Variants in LNX2 observed in about 807,000 individuals in gnomAD.
LNX2 encodes ligand of numb-protein X 2.
LNX2 carries 35 observed loss-of-function variants against 66.2 expected under a neutral mutation model. The observed-to-expected ratio is 0.53, with a 90% confidence interval of 0.40 to 0.70. The LOEUF is 0.70. Among genes scored for constraint, LNX2 ranks in the 30% least tolerant of loss-of-function variants. The pLI is 0.00. For synonymous variants in LNX2, 337 were observed against 315.6 expected (o/e 1.07, Z -0.72); for missense variants, 791 against 850.8 (o/e 0.93, Z 0.87).
chr13:27,558,722 C>G (rs2138331426), intron 6 of LNX2, among the ~76,000 whole-genome samples: 1 of 152,166 alleles, frequency 6.6e-6, no homozygotes, highest in Admixed American at 6.5e-5. Context: ...TATAGGTTTC[C>G]TTCATACATT....
chr13:27,550,765 A>C (rs1207720687), intron 8 of LNX2, among the ~76,000 whole-genome samples: 1 of 152,066 alleles, frequency 6.6e-6, no homozygotes. Context: ...TACAAATTAC[A>C]CCTCAGTAAC....
intron 1 of LNX2, among the ~76,000 whole-genome samples, chr13:27,619,534 C>T (rs1050626825): frequency 6.6e-6 from 1 of 152,190 alleles, no homozygotes; most frequent in Admixed American, 6.5e-5. Context: ...ACAAGTGTTC[C>T]TCCTCCTGCA....
intron 1 of LNX2, among the ~76,000 whole-genome samples, chr13:27,592,004 G>C (rs762019782): frequency 6.6e-6 from 1 of 152,196 alleles, no homozygotes; most frequent in Non-Finnish European, 1.5e-5. Context: ...GAATGTCCCT[G>C]GTGTGTTCAA....
At chr13:27,577,453 T>C (rs1292381861) in intron 2 of LNX2, among the ~76,000 whole-genome samples, 1 of 152,138 alleles carries the variant, frequency 6.6e-6, no homozygotes, top group Non-Finnish European at 1.5e-5. Flanking sequence ...AAAGCAGGGT[T>C]GTCCAATCTT....
intron 8 of LNX2, among the ~76,000 whole-genome samples, chr13:27,552,474 C>T (rs1593237202): frequency 6.6e-6 from 1 of 152,254 alleles, no homozygotes; most frequent in East Asian, 1.9e-4. Context: ...CATACTTGGT[C>T]AAAAGTCAAA....
Position 27,570,637 on chromosome 13 carries a change from T to C in LNX2, c.408-1361A>G, listed in dbSNP as rs1408088750. On this transcript the variant is annotated intron_variant, in intron 2 of 9. Coordinates refer to ENST00000316334, the MANE Select transcript of LNX2 (RefSeq NM_153371.4). ...AAATTAGATCATGAAAAAAATTACT[T>C]TTGTCAAGTAAGCAGGTTTAATTCG... 2.0e-5 allele frequency among the ~76,000 whole-genome samples: 3 copies of C among 152,186 alleles called. No homozygotes were observed. In the East Asian group the frequency reaches 5.8e-4, roughly 29 times the overall value.
chr13:27,550,868 CA>C lies in LNX2; in HGVS notation c.1779-378del, dbSNP rs1309588892. ...TCACTTTTATCTACAAGAGGAATTA[CA>C]ATGTGGGATGAAAGAGGTCTAGTAC... On this transcript the variant is annotated intron_variant, in intron 8 of 9. Transcript: ENST00000316334. 3.3e-5 allele frequency among the ~76,000 whole-genome samples: 5 copies of C among 152,234 alleles called. No individual in the cohort carries two copies. In the South Asian group the frequency reaches 1.0e-3, roughly 32 times the overall value.
chr13:27,551,686 C>T (rs1022782581), intron 8 of LNX2, among the ~76,000 whole-genome samples: 1 of 152,008 alleles, frequency 6.6e-6, no homozygotes, highest in African/African-American at 2.4e-5. Context: ...TTCTATAAAG[C>T]AATGTTTACC....
chr13:27,546,282 A>G lies in LNX2; in HGVS notation c.*2053T>C, dbSNP rs1194929553. ...TAGCAGTCAGGATATTTGTTGATGGATGGCTACTCCCCAAGAAATGACACA... is the reference window on the plus strand; with the variant it reads ...TAGCAGTCAGGATATTTGTTGATGGGTGGCTACTCCCCAAGAAATGACACA... On this transcript the variant is annotated 3_prime_UTR_variant, in exon 10 of 10. Coordinates refer to ENST00000316334, the MANE Select transcript of LNX2 (RefSeq NM_153371.4). The G allele has an allele frequency of 1.3e-5, 2 of 152,230 alleles. No homozygotes were observed. The highest frequency in any genetic ancestry group is 4.8e-5 in the African/African-American group (2 of 41,466). The allele number at this position is 152,230 out of a possible 1,614,324, so 9.4% of individuals were successfully genotyped here. A position where few individuals can be genotyped will look rare whatever the true frequency, so the allele number is the denominator to read the frequency against.
At position 27,562,438 on chromosome 13, in the gene LNX2, G is replaced by T; in HGVS notation, c.1199C>A (p.Pro400Gln). 1 of 1,613,910 alleles carries T rather than the reference G, an allele frequency of 6.2e-7. No individual in the cohort carries two copies. The highest frequency in any genetic ancestry group is 8.5e-7 in the Non-Finnish European group (1 of 1,179,916). ...CTGAATAATCTGGGCAGCAAGCTCC[G>T]GAGTTCCATACTTCAGGTCGTGCCC... ...INGHDLKYGT[P>Q]ELAAQIIQAS... The change falls in exon 5 of 10, where the codon CCG becomes CAG. Residue 400 changes from proline (P) to glutamine (Q), a missense_variant. Pro to Gln is a moderately conservative substitution (Grantham distance 76). Coordinates refer to ENST00000316334, the MANE Select transcript of LNX2 (RefSeq NM_153371.4).
At chr13:27,561,291 A>G (rs1056357031) in intron 5 of LNX2, among the ~76,000 whole-genome samples, 8 of 152,190 alleles carry the variant, frequency 5.3e-5, no homozygotes, top group Non-Finnish European at 7.4e-5. Flanking sequence ...ATTATTTTCT[A>G]TCTTATTGAT....
At chr13:27,583,169 A>T (rs1015313128) in intron 1 of LNX2, among the ~76,000 whole-genome samples, 2 of 44,116 alleles carry the variant, frequency 4.5e-5, no homozygotes, top group Admixed American at 4.5e-4. Flanking sequence ...TCAGAGCAGC[A>T]GTGTGTGTGT....
chr13:27,564,823 C>T (rs1955185086), intron 4 of LNX2, among the ~76,000 whole-genome samples: 2 of 152,034 alleles, frequency 1.3e-5, no homozygotes, highest in South Asian at 4.1e-4. Flanking sequence ...TGGAGGTAAC[C>T]AGATAGTAAA....
chr13:27,578,680 G>A (rs1242994214), intron 2 of LNX2, among the ~76,000 whole-genome samples: 1 of 152,164 alleles, frequency 6.6e-6, no homozygotes, highest in Non-Finnish European at 1.5e-5. Context: ...ATGCTGGGAA[G>A]GCTACCTGTA....
At chr13:27,602,912 T>A (rs556812963) in intron 1 of LNX2, among the ~76,000 whole-genome samples, 3 of 152,196 alleles carry the variant, frequency 2.0e-5, no homozygotes, top group Non-Finnish European at 4.4e-5. Flanking sequence ...TTAAATCTAT[T>A]TGTAAGATAC....
chr13:27,582,591 C>T (rs753079460), intron 1 of LNX2, among the ~76,000 whole-genome samples: 4 of 152,098 alleles, frequency 2.6e-5, no homozygotes, highest in African/African-American at 4.8e-5. Context: ...TCAAAGATTG[C>T]GTCTTTGAAA....
intron 2 of LNX2, among the ~76,000 whole-genome samples, chr13:27,571,836 A>G (rs185457467): frequency 1.3e-5 from 2 of 152,338 alleles, no homozygotes; most frequent in East Asian, 3.9e-4. Context: ...AAGAGAAAGG[A>G]AAAACTCAAC....
Position 27,589,568 on chromosome 13 carries a change from C to T in LNX2, c.-100-7765G>A, listed in dbSNP as rs376880023. ...TAATAGAAAATTTAAAATTTTAAAC[C>T]CCCTTCACCTTTAGTTCTCCTAATT... is the stretch of plus-strand genomic sequence containing the variant. On this transcript the variant is annotated intron_variant, in intron 1 of 9. Coordinates refer to ENST00000316334, the MANE Select transcript of LNX2 (RefSeq NM_153371.4). Among the ~76,000 whole-genome samples the T allele has an allele frequency of 4.0e-5, 6 of 151,690 alleles. No individual in the cohort carries two copies. In the East Asian group the frequency reaches 5.8e-4, roughly 15 times the overall value.
chr13:27,613,578 G>C (rs547826171), intron 1 of LNX2, among the ~76,000 whole-genome samples: 50 of 152,202 alleles, frequency 3.3e-4, no homozygotes, highest in African/African-American at 1.0e-3. Flanking sequence ...TCGACACCAG[G>C]CCAACATGAT....
Sources: allele counts gnomAD v4.1 joint callset (sites outside exome capture counted in the v4.1 genomes callset), GRCh38; gene constraint gnomAD v4.1.1; transcripts MANE v1.5; gene names NCBI Gene and HGNC (gene_info 2026-07-23, HGNC 2026-07-21).